Variants in LRRC69 observed in about 807,000 individuals in gnomAD.
LRRC69 encodes leucine rich repeat containing 69, also known as leucine-rich repeat-containing protein 69.
Under a neutral mutation model 37.8 loss-of-function variants are expected in LRRC69, and 42 were observed. That is an observed-to-expected ratio of 1.11 (90% CI 0.87 to 1.44). LRRC69 has a LOEUF of 1.44. LRRC69 is among the 40% of genes most tolerant of loss of function. LRRC69 has a pLI of 0.00. For missense variants in LRRC69, 357 were observed against 401.9 expected (o/e 0.89, Z 0.96); for synonymous variants, 141 against 143.1 (o/e 0.99, Z 0.11).
intron 6 of LRRC69, among the ~76,000 whole-genome samples, chr8:91,199,963 T>C (rs1408228019): frequency 6.6e-6 from 1 of 152,192 alleles, no homozygotes; most frequent in Admixed American, 6.5e-5. Context: ...TCTAGGTAGA[T>C]AGGTTTAACT....
chr8:91,219,057 C>T (rs1002954643), downstream of LRRC69: 17 of 880,566 alleles, frequency 1.9e-5, no homozygotes, highest in Admixed American at 2.1e-4. Context: ...GCTCTGCATA[C>T]ACAGATTATG....
In LRRC69 at chr8:91,149,224, A is replaced by G. The variant is rs557790176; in HGVS notation, c.651+13485A>G. On this transcript the variant is annotated intron_variant, in intron 5 of 7. Transcript: ENST00000448384. ...GGGTTTTTATGGTTTTAGGTCTAAC[A>G]TTTAAGTCTTTAATCCATTCTTGAA... Among the ~76,000 whole-genome samples, 315 of 152,024 alleles carry G rather than the reference A, an allele frequency of 2.1e-3. 4 individuals are homozygous for G. The highest frequency in any genetic ancestry group is 6.8e-3 in the Middle Eastern group (2 of 294).
intron 1 of LRRC69, among the ~76,000 whole-genome samples, chr8:91,117,433 C>T (rs533799489): frequency 5.9e-5 from 9 of 151,698 alleles, no homozygotes; most frequent in East Asian, 1.9e-4. Flanking sequence ...AATGTTTGGC[C>T]GCCATAGGTT....
intron 2 of LRRC69, among the ~76,000 whole-genome samples, chr8:91,125,614 C>G (rs1323955717): frequency 6.6e-6 from 1 of 151,648 alleles, no homozygotes; most frequent in East Asian, 1.9e-4. Flanking sequence ...TCATGCAAAT[C>G]AATAGATAAT....
Position 91,218,880 on chromosome 8 carries a change from T to A in LRRC69, c.934-10T>A. On this transcript the variant is annotated splice_polypyrimidine_tract_variant and intron_variant, in intron 7 of 7. Transcript: ENST00000448384. Reference sequence around the variant, plus strand: ...CTGCCTAAATTTTATTTTTAATCTTTACTTTTTAGGACTGGAAGATAAGCA... The same window carrying A: ...CTGCCTAAATTTTATTTTTAATCTTAACTTTTTAGGACTGGAAGATAAGCA... The A allele has an allele frequency of 6.7e-7, 1 of 1,502,818 alleles. No individual in the cohort carries two copies. Among genetic ancestry groups the A allele is most frequent in the South Asian group, 1.2e-5 (1 of 81,168 alleles). 93.1% of individuals were successfully genotyped at this position (1,502,818 alleles called of 1,614,324 possible). A position where few individuals can be genotyped will look rare whatever the true frequency, so the allele number is the denominator to read the frequency against.
intron 1 of LRRC69, among the ~76,000 whole-genome samples, chr8:91,103,497 C>T (rs1813257140): frequency 1.3e-5 from 2 of 151,838 alleles, no homozygotes; most frequent in African/African-American, 4.8e-5. Flanking sequence ...CTCTAGCTGC[C>T]AAAAATCTTG....
At chr8:91,213,437 C>CTT (rs1809973583) in intron 7 of LRRC69, among the ~76,000 whole-genome samples, 1 of 152,186 alleles carries the variant, frequency 6.6e-6, no homozygotes, top group Admixed American at 6.5e-5. Context: ...GAGCAGTACT[C>CTT]ATGTCACTTA....
intron 6 of LRRC69, among the ~76,000 whole-genome samples, chr8:91,197,971 T>G (rs1809646472): frequency 6.6e-6 from 1 of 152,184 alleles, no homozygotes; most frequent in South Asian, 2.1e-4. Flanking sequence ...CTAAGAATTC[T>G]TCTCAGAAAA....
chr8:91,197,363 G>T (rs887310757), intron 6 of LRRC69, among the ~76,000 whole-genome samples: 2 of 152,204 alleles, frequency 1.3e-5, no homozygotes, highest in Non-Finnish European at 2.9e-5. Context: ...GCTGTGGTGG[G>T]CTCCACCCAG....
intron 7 of LRRC69, chr8:91,205,361 T>C (rs189363858): frequency 3.3e-5 from 5 of 152,420 alleles, no homozygotes; most frequent in African/African-American, 9.6e-5. Flanking sequence ...ACAGCTGCTT[T>C]ACGTAGTTCA....
chr8:91,124,955 G>A (rs928243607), intron 2 of LRRC69, among the ~76,000 whole-genome samples: 1 of 151,816 alleles, frequency 6.6e-6, no homozygotes, highest in African/African-American at 2.4e-5. Flanking sequence ...AAGCTATACT[G>A]TAGCTTTGTT....
At chr8:91,164,279 G>T (rs937393856) in intron 5 of LRRC69, among the ~76,000 whole-genome samples, 1 of 151,564 alleles carries the variant, frequency 6.6e-6, no homozygotes, top group Admixed American at 6.6e-5. Flanking sequence ...TATAATGAGG[G>T]TTAAAAACTA....
At chr8:91,131,245 TTTTG>T (rs1813803821) in intron 3 of LRRC69, among the ~76,000 whole-genome samples, 1 of 145,144 alleles carries the variant, frequency 6.9e-6, no homozygotes. Flanking sequence ...CTTTTTTTTT[TTTTG>T]TTTTGTTTAA....
At chr8:91,160,941 G>T (rs1021778138) in intron 5 of LRRC69, among the ~76,000 whole-genome samples, 1 of 151,040 alleles carries the variant, frequency 6.6e-6, no homozygotes, top group Non-Finnish European at 1.5e-5. Context: ...TATCACATAC[G>T]GCCTTTACTT....
intron 7 of LRRC69, among the ~76,000 whole-genome samples, chr8:91,212,141 GCTA>G (rs1456238657): frequency 6.6e-6 from 1 of 151,992 alleles, no homozygotes; most frequent in African/African-American, 2.4e-5. Context: ...TTCAATATTA[GCTA>G]CTAATGATAT....
intron 4 of LRRC69, among the ~76,000 whole-genome samples, chr8:91,134,815 C>G (rs936024625): frequency 6.6e-6 from 1 of 151,996 alleles, no homozygotes; most frequent in Non-Finnish European, 1.5e-5. Flanking sequence ...CTCCTAATAC[C>G]AAATTTTCCA....
At chr8:91,124,744 C>G in intron 2 of LRRC69, 125 bp downstream of exon 2, 1 of 776,558 alleles carries the variant, frequency 1.3e-6, no homozygotes, top group South Asian at 1.9e-5. Context: ...TATTTACATA[C>G]TACTCTTGAA....
chr8:91,110,316 G>A (rs755891956), intron 1 of LRRC69, among the ~76,000 whole-genome samples: 2 of 151,994 alleles, frequency 1.3e-5, no homozygotes, highest in Non-Finnish European at 2.9e-5. Flanking sequence ...GATAAAGATG[G>A]ACATTTGAGA....
intron 5 of LRRC69, among the ~76,000 whole-genome samples, chr8:91,168,732 T>C (rs968298624): frequency 8.9e-5 from 7 of 78,874 alleles, no homozygotes; most frequent in Non-Finnish European, 1.7e-4. Flanking sequence ...TTTTTGTGTT[T>C]TGTGTTTTTT....
Sources: gnomAD v4.1 joint callset for allele counts (sites outside exome capture counted in the v4.1 genomes callset) on GRCh38, gnomAD v4.1.1 for gene constraint, MANE v1.5 for transcripts, NCBI Gene and HGNC (gene_info 2026-07-23, HGNC 2026-07-21) for gene names.